NOL10: variants seen among roughly 807,000 people sequenced by gnomAD.
NOL10 encodes H_NH0074G24.1.
NOL10 carries 58 observed loss-of-function variants against 103.5 expected under a neutral mutation model. The observed-to-expected ratio is 0.56, with a 90% CI of 0.45 to 0.70. NOL10 has a LOEUF of 0.70. Among genes scored for constraint, NOL10 ranks in the 30% least tolerant of loss-of-function variants. The pLI is 0.00. For synonymous variants in NOL10, 287 were observed against 282.5 expected, an observed-to-expected ratio of 1.02 and a Z score of -0.16; for missense variants, 763 against 807.3, an observed-to-expected ratio of 0.95 and a Z score of 0.67.
At chr2:10,672,498 A>G (rs906272139) in intron 5 of NOL10, among the ~76,000 whole-genome samples, 2 of 152,224 alleles carry the variant, frequency 1.3e-5, no homozygotes, top group East Asian at 3.8e-4. Context: ...CTAAAATGAC[A>G]TGTTCCAAAA....
At chr2:10,686,992 G>A (rs369162989) in intron 1 of NOL10, among the ~76,000 whole-genome samples, 7 of 152,354 alleles carry the variant, frequency 4.6e-5, no homozygotes, top group Admixed American at 3.9e-4. Flanking sequence ...CAATGTGATA[G>A]TTATCGATAT....
chr2:10,674,758 A>G (rs757229772), intron 4 of NOL10, among the ~76,000 whole-genome samples: 8 of 152,338 alleles, frequency 5.3e-5, no homozygotes, highest in Middle Eastern at 3.4e-3. Context: ...AATCACTTCA[A>G]TCTGGGAGGT....
chr2:10,590,809 T>G (rs963575677), intron 17 of NOL10: 1 of 152,212 alleles, frequency 6.6e-6, no homozygotes, highest in African/African-American at 2.4e-5. Flanking sequence ...CAGAGAATCT[T>G]ACACATTTAG....
intron 3 of NOL10, among the ~76,000 whole-genome samples, chr2:10,677,839 TTGTG>T (rs58970211): frequency 3.3e-3 from 491 of 146,800 alleles, no homozygotes; most frequent in Middle Eastern, 0.021. Flanking sequence ...TTTAATACAT[TTGTG>T]TGTGTGTGTG....
intron 3 of NOL10, among the ~76,000 whole-genome samples, chr2:10,677,859 G>A (rs1196651099): frequency 1.5e-5 from 2 of 137,876 alleles, no homozygotes; most frequent in Admixed American, 7.4e-5. Flanking sequence ...GTGTGTGTGT[G>A]TGTGTGTGTG....
intron 17 of NOL10, among the ~76,000 whole-genome samples, chr2:10,594,853 A>C (rs1312065098): frequency 6.6e-6 from 1 of 152,022 alleles, no homozygotes; most frequent in African/African-American, 2.4e-5. Context: ...CATATATATT[A>C]GCTGGGTGTG....
rs1339565716 is a variant in NOL10, at chr2:10,648,989, A to G, written c.974-4617T>C. Among the ~76,000 whole-genome samples the G allele has an allele frequency of 2.0e-5, 3 of 152,312 alleles. No individual in the cohort carries two copies. The East Asian group carries it at 5.8e-4, about 29-fold the overall frequency. On this transcript the variant is annotated intron_variant, in intron 12 of 20. Coordinates refer to ENST00000381685, the MANE Select transcript of NOL10 (RefSeq NM_024894.4). ...AACAAAAAAACCACACCTAACTAAA[A>G]AAGGGCATATGGGGAACAATTAGGA...
intron 19 of NOL10, among the ~76,000 whole-genome samples, chr2:10,585,681 C>A (rs1298921681): frequency 6.6e-6 from 1 of 152,120 alleles, no homozygotes; most frequent in East Asian, 1.9e-4. Flanking sequence ...TACTAAAATC[C>A]ATGGATGCTC....
At chr2:10,601,047 G>C (rs1675948278) in intron 16 of NOL10, 105 bp from the exon 17 acceptor site, 2 of 655,730 alleles carry the variant, frequency 3.1e-6, no homozygotes, top group African/African-American at 3.8e-5. Context: ...TCATAAATAG[G>C]AGATAACTAA....
intron 13 of NOL10, among the ~76,000 whole-genome samples, chr2:10,636,419 C>CA (rs1678220488): frequency 5.0e-5 from 1 of 20,004 alleles, no homozygotes; most frequent in African/African-American, 1.3e-4. Context: ...CTACAAAAAA[C>CA]CAAAAAAAAA....
At chr2:10,653,367 G>A (rs952507358) in intron 12 of NOL10, among the ~76,000 whole-genome samples, 3 of 152,176 alleles carry the variant, frequency 2.0e-5, no homozygotes, top group East Asian at 1.9e-4. Context: ...ATCCTCACAC[G>A]TTAGAAAAAG....
intron 19 of NOL10, among the ~76,000 whole-genome samples, chr2:10,587,230 T>C (rs375262427): frequency 0.037 from 1,388 of 37,194 alleles, 404 homozygotes; most frequent in Non-Finnish European, 0.043. Flanking sequence ...TATATATACA[T>C]ATATATATAC....
At chr2:10,633,948 T>C (rs1305111962) in intron 13 of NOL10, among the ~76,000 whole-genome samples, 3 of 151,978 alleles carry the variant, frequency 2.0e-5, no homozygotes, top group Non-Finnish European at 2.9e-5. Flanking sequence ...TGCCTCAGCA[T>C]CCCAAGTAGC....
At chr2:10,636,743 T>C (rs1678254528) in intron 13 of NOL10, among the ~76,000 whole-genome samples, 1 of 151,802 alleles carries the variant, frequency 6.6e-6, no homozygotes, top group Admixed American at 6.6e-5. Context: ...AGATACCATC[T>C]ATATAGGAAG....
rs1425765815 is a variant in NOL10, at chr2:10,680,375, G to A, written c.211+1596C>T. ...AGAAGAGGGAGAGGGAGAAGAGGGA[G>A]AGGGAGAAGAGGGAGAGGGAGAGGG... is the stretch of plus-strand genomic sequence containing the variant. On this transcript the variant is annotated intron_variant, in intron 3 of 20. Transcript: ENST00000381685. Among the ~76,000 whole-genome samples, 3 of 150,240 alleles carry A rather than the reference G, an allele frequency of 2.0e-5. No homozygotes were observed. The South Asian group carries it at 6.4e-4, about 32-fold the overall frequency.
intron 1 of NOL10, among the ~76,000 whole-genome samples, chr2:10,687,345 A>G (rs1682286507): frequency 1.3e-5 from 2 of 152,090 alleles, no homozygotes; most frequent in African/African-American, 2.4e-5. Context: ...GTAGCAGCTG[A>G]CACAGGTGAC....
chr2:10,603,886 A>G (rs1041578441), intron 14 of NOL10, among the ~76,000 whole-genome samples: 3 of 152,236 alleles, frequency 2.0e-5, no homozygotes, highest in Non-Finnish European at 4.4e-5. Flanking sequence ...GATCTTCAAA[A>G]TAAGTCCACA....
chr2:10,657,730 A>G lies in NOL10; in HGVS notation c.906+12T>C. The G allele has an allele frequency of 6.5e-7, 1 of 1,544,774 alleles. No homozygotes were observed. Among genetic ancestry groups the G allele is most frequent in the Non-Finnish European group, 8.7e-7 (1 of 1,143,650 alleles). Reference sequence around the variant, plus strand: ...AATAAAGAAGCAAGTAATTTCAACCAAAAATACATACGGAGTTCTTATTCC... The same window carrying G: ...AATAAAGAAGCAAGTAATTTCAACCGAAAATACATACGGAGTTCTTATTCC... On this transcript the variant is annotated intron_variant, in intron 11 of 20. Transcript: ENST00000381685.
chr2:10,615,540 T>C (rs116470312), intron 13 of NOL10, among the ~76,000 whole-genome samples: 5,041 of 152,272 alleles, frequency 0.033, 293 homozygotes, highest in African/African-American at 0.12. Context: ...CAGAGAGCTT[T>C]TGGTTAATAG....
Sources: gnomAD v4.1 joint callset for allele counts (sites outside exome capture counted in the v4.1 genomes callset) on GRCh38, gnomAD v4.1.1 for gene constraint, MANE v1.5 for transcripts, NCBI Gene and HGNC (gene_info 2026-07-23, HGNC 2026-07-21) for gene names.